Variants in MLXIPL observed in about 807,000 individuals in gnomAD.
MLXIPL encodes carbohydrate-responsive element-binding protein.
Under a neutral mutation model 81.5 loss-of-function variants are expected in MLXIPL, and 49 were observed. That is an observed-to-expected ratio of 0.60 (90% confidence interval 0.48 to 0.76). The LOEUF is 0.76. MLXIPL is among the 30% of genes least tolerant of loss of function. The pLI is 0.00. For synonymous variants in MLXIPL, 466 were observed against 485.5 expected, an observed-to-expected ratio of 0.96 and a Z score of 0.53; for missense variants, 1,053 against 1,167.0, an observed-to-expected ratio of 0.90 and a Z score of 1.42.
chr7:73,634,808 A>T, the MLXIPL span, among the ~76,000 whole-genome samples: 146 of 148,260 alleles, frequency 9.8e-4, no homozygotes, highest in Admixed American at 5.2e-3. Context: ...ATATGTATTT[A>T]TTATTATTAT....
chr7:73,645,945 G>A, the MLXIPL span, among the ~76,000 whole-genome samples: 2 of 152,176 alleles, frequency 1.3e-5, no homozygotes, highest in Admixed American at 1.3e-4. Flanking sequence ...AGCTTGTGCA[G>A]TGCCTGGCTT....
the MLXIPL span, among the ~76,000 whole-genome samples, chr7:73,633,300 T>A: frequency 6.6e-6 from 1 of 151,380 alleles, no homozygotes; most frequent in Non-Finnish European, 1.5e-5. Context: ...ACCAGGATGG[T>A]CTCAATCTCC....
chr7:73,599,394 T>G, intron 8 of MLXIPL, 132 bp downstream of exon 8: 1 of 1,147,318 alleles, frequency 8.7e-7, no homozygotes, highest in Non-Finnish European at 1.3e-6. Context: ...AGAGATGGGG[T>G]CTTTCTTTCC....
chr7:73,629,000 T>C (rs1796795076), upstream of MLXIPL, among the ~76,000 whole-genome samples: 1 of 152,074 alleles, frequency 6.6e-6, no homozygotes, highest in South Asian at 2.1e-4. Flanking sequence ...CTTCCCCAAG[T>C]TCTCCAGGTT....
Position 73,596,042 on chromosome 7 carries a change from G to A in MLXIPL, c.2059-73C>T, listed in dbSNP as rs552298222. 2.0e-4 allele frequency: 314 copies of A among 1,603,308 alleles called. 1 individual carries two copies. The highest frequency in any genetic ancestry group is 2.5e-4 in the Non-Finnish European group (295 of 1,177,582). On this transcript the variant is annotated intron_variant, in intron 13 of 16. Transcript: ENST00000313375. This position sits in a 1 kb window ranked among gnomAD's most constrained non-coding sequence, Gnocchi z 4.7. Reference sequence around the variant, plus strand: ...CTGGGACCCACTGAGGCACTGGGATGGGAGGAGGCAAGAGTGTCTGGAGCA... The same window carrying A: ...CTGGGACCCACTGAGGCACTGGGATAGGAGGAGGCAAGAGTGTCTGGAGCA...
rs1554602640 is a variant in MLXIPL, at chr7:73,623,047, T to A, written c.293+1153A>T. 6.6e-6 allele frequency among the ~76,000 whole-genome samples: 1 copy of A among 152,102 alleles called. No homozygotes were observed. The highest frequency in any genetic ancestry group is 1.9e-4 in the East Asian group (1 of 5,170). ...AACTTTCCACACGGGTCCGACGCCC[T>A]GGCCGATCGGGTTGCAACATGACCT... On this transcript the variant is annotated intron_variant, in intron 1 of 16. Coordinates refer to ENST00000313375, the MANE Select transcript of MLXIPL (RefSeq NM_032951.3). The surrounding 1 kb of genome is among the most constrained non-coding windows in gnomAD (Gnocchi z 5.7).
chr7:73,616,302 C>T (rs1420249411), intron 1 of MLXIPL, 125 bp from the exon 2 acceptor site: 2 of 816,020 alleles, frequency 2.5e-6, no homozygotes, highest in East Asian at 2.6e-5. Flanking sequence ...CAAATCTGGC[C>T]CCCCAACCCA....
At chr7:73,616,933 C>A (rs1554600893) in intron 1 of MLXIPL, among the ~76,000 whole-genome samples, 1 of 151,892 alleles carries the variant, frequency 6.6e-6, no homozygotes, top group South Asian at 2.1e-4. Flanking sequence ...TCCTTAGGCC[C>A]AGGAGAGGCA....
chr7:73,594,195 T>C, intron 16 of MLXIPL, 79 bp downstream of exon 16: 2 of 1,595,476 alleles, frequency 1.3e-6, no homozygotes, highest in African/African-American at 1.3e-5. Flanking sequence ...AAGCTGGATG[T>C]GGGATCTAAG....
the MLXIPL span, among the ~76,000 whole-genome samples, chr7:73,631,928 C>T: frequency 1.6e-5 from 2 of 128,250 alleles, no homozygotes; most frequent in Non-Finnish European, 3.4e-5. Context: ...CCTCCCTCCC[C>T]TCCCCTCCTC....
In MLXIPL at chr7:73,616,082, C is replaced by T; in HGVS notation, c.389G>A (p.Trp130Ter). 6.2e-7 allele frequency: 1 copy of T among 1,613,858 alleles called. No homozygotes were observed. Among genetic ancestry groups the T allele is most frequent in the East Asian group, 2.2e-5 (1 of 44,860 alleles). ...IRLNNAIWRA[W>*]YIQYVKRRKS... ...TGGTAGCCACTCACACTGGATATACCAGGCCCTCCAGATGGCGTTGTTCAG... is the reference window on the plus strand; with the variant it reads ...TGGTAGCCACTCACACTGGATATACTAGGCCCTCCAGATGGCGTTGTTCAG... The change falls in exon 2 of 17, where the codon TGG (tryptophan) becomes TAG (stop). Residue 130 changes from tryptophan (W) to a stop codon, truncating the protein, a stop_gained. Transcript: ENST00000313375. LOFTEE classifies it high-confidence loss of function.
chr7:73,600,792 G>A (rs1050250765), intron 7 of MLXIPL, among the ~76,000 whole-genome samples: 1 of 151,788 alleles, frequency 6.6e-6, no homozygotes, highest in African/African-American at 2.4e-5. Context: ...GGAAGCCTGC[G>A]AGAGCTGGGG....
intron 7 of MLXIPL, among the ~76,000 whole-genome samples, chr7:73,602,611 T>TGGG (rs1794972435): frequency 6.6e-6 from 1 of 150,634 alleles, no homozygotes; most frequent in Non-Finnish European, 1.5e-5. Context: ...ACCCGGGAGG[T>TGGG]GGGGGTTGCA....
chr7:73,607,266 GGCGGGCGGTA>G (rs1554598492), intron 4 of MLXIPL, 55 bp downstream of exon 4: 1 of 1,481,180 alleles, frequency 6.8e-7, no homozygotes, highest in South Asian at 1.2e-5. Flanking sequence ...GATCTTCCGA[GGCGGGCGGTA>G]GCCGGCAGCC....
the MLXIPL span, among the ~76,000 whole-genome samples, chr7:73,643,559 A>G: frequency 6.6e-6 from 1 of 151,638 alleles, no homozygotes; most frequent in Non-Finnish European, 1.5e-5. Flanking sequence ...TCCAGGTTAC[A>G]CAGTTCATGA....
At chr7:73,631,753 T>TTCTCCCTC in the MLXIPL span, among the ~76,000 whole-genome samples, 37 of 147,020 alleles carry the variant, frequency 2.5e-4, no homozygotes, top group African/African-American at 8.0e-4. Flanking sequence ...CTCTCTCCCC[T>TTCTCCCTC]TCTCCCTCTC....
At position 73,597,562 on chromosome 7, in the gene MLXIPL, T is replaced by C; in HGVS notation, c.1223A>G (p.Glu408Gly). Residue 408 changes from glutamate to glycine, a missense_variant, in exon 9 of 17, where the codon GAG becomes GGG. By Grantham distance (98) the Glu-to-Gly change is moderately conservative (BLOSUM62 -2). Around this residue, in one of 3 missense-constraint regions of MLXIPL, gnomAD observed 823 missense variants for 933.0 expected, o/e 0.88. Transcript: ENST00000313375. ...AGGGAAGGGAGGTGGGGGGCAGGGCTCCAGGCCTGGCACCTTGGCAGGGGG... is the reference window on the plus strand; with the variant it reads ...AGGGAAGGGAGGTGGGGGGCAGGGCCCCAGGCCTGGCACCTTGGCAGGGGG... ...YPPPAKVPGL[E>G]PCPPPPFPPM... 1 of 1,048,834 alleles carries C rather than the reference T, an allele frequency of 9.5e-7. No individual in the cohort carries two copies. The highest frequency in any genetic ancestry group is 1.2e-6 in the Non-Finnish European group (1 of 866,702). The allele number at this position is 1,048,834 out of a possible 1,614,324, so 65.0% of individuals were successfully genotyped here. A position where few individuals can be genotyped will look rare whatever the true frequency, so the allele number is the denominator to read the frequency against.
the MLXIPL span, among the ~76,000 whole-genome samples, chr7:73,646,761 CTT>C: frequency 5.5e-4 from 83 of 152,202 alleles, 1 homozygote; most frequent in Non-Finnish European, 1.0e-4. Context: ...TATTCTGAGA[CTT>C]CTCCTGCATC....
chr7:73,607,203 T>C, intron 4 of MLXIPL, 128 bp downstream of exon 4: 1 of 1,260,984 alleles, frequency 7.9e-7, no homozygotes, highest in South Asian at 1.3e-5. Flanking sequence ...GGCCCGGGAC[T>C]GAATGGAGGG....
Sources: allele counts gnomAD v4.1 joint callset (sites outside exome capture counted in the v4.1 genomes callset), GRCh38; gene constraint gnomAD v4.1.1; regional missense constraint gnomAD v4.1.1; non-coding constraint Gnocchi (gnomAD v3.1); transcripts MANE v1.5; gene names NCBI Gene and HGNC (gene_info 2026-07-23, HGNC 2026-07-21).